MYO15A: variants seen among roughly 807,000 people sequenced by gnomAD.
MYO15A encodes myosin XVA.
In MYO15A, 308 loss-of-function variants were observed where a neutral mutation model predicts 394.6. The ratio of observed to expected loss-of-function variants is 0.78; its 90% CI spans 0.71 to 0.86. The LOEUF is 0.86. Ranked by LOEUF, MYO15A falls within the 40% of genes least tolerant of loss-of-function variation. The pLI, the probability that MYO15A is intolerant of heterozygous loss-of-function variation, is 0.00. For missense variants in MYO15A, 4,606 were observed against 4,799.1 expected, an observed-to-expected ratio of 0.96 and a Z score of 1.19; for synonymous variants, 1,957 against 2,003.8, an observed-to-expected ratio of 0.98 and a Z score of 0.62.
At position 18,121,246 on chromosome 17, in the gene MYO15A, C is replaced by T. The variant is rs1484818939; in HGVS notation, c.2446C>T (p.Arg816Trp). 1.4e-6 allele frequency: 2 copies of T among 1,471,488 alleles called. No homozygotes were observed. The highest frequency in any genetic ancestry group is 9.0e-7 in the Non-Finnish European group (1 of 1,115,590). 91.2% of individuals were successfully genotyped at this position (1,471,488 alleles called of 1,614,324 possible). ...GCCGCCCTTCCTGCCCCCGGCCCGCCGGCCCCGCTCGCTGCAGGAGTCCCC... is the reference window on the plus strand; with the variant it reads ...GCCGCCCTTCCTGCCCCCGGCCCGCTGGCCCCGCTCGCTGCAGGAGTCCCC... Reference protein sequence around the residue: ...FQPPFLPPARRPRSLQESPAP... With the variant: ...FQPPFLPPARWPRSLQESPAP... The change falls in exon 2 of 66, where the codon CGG (arginine) becomes TGG (tryptophan). Residue 816 changes from arginine (R) to tryptophan (W), a missense_variant. Physicochemically the swap from Arg to Trp is moderately radical, Grantham distance 101. Coordinates refer to ENST00000647165, the MANE Select transcript of MYO15A (RefSeq NM_016239.4). The surrounding 1 kb of genome is among the most constrained non-coding windows in gnomAD (Gnocchi z 5.3).
chr17:18,151,313 TG>T (rs2046576943), intron 39 of MYO15A, 23 bp downstream of exon 39: 1 of 1,614,204 alleles, frequency 6.2e-7, no homozygotes, highest in Non-Finnish European at 8.5e-7. Flanking sequence ...TCCCAGCCTC[TG>T]GGGCTTCCCA....
intron 29 of MYO15A, 84 bp downstream of exon 29, chr17:18,144,676 C>G (rs1317004631): frequency 7.5e-7 from 1 of 1,336,374 alleles, no homozygotes. Context: ...CTTCCCAGCC[C>G]TCCCCAAGCC....
rs930912569 is a variant in MYO15A, at chr17:18,121,357, C to A, written c.2557C>A (p.Leu853Ile). 34 of 1,466,540 alleles carry A rather than the reference C, an allele frequency of 2.3e-5. No individual in the cohort carries two copies. The highest frequency in any genetic ancestry group is 3.0e-5 in the Non-Finnish European group (33 of 1,115,918). 90.8% of individuals were successfully genotyped at this position (1,466,540 alleles called of 1,614,324 possible). Reference sequence around the variant, plus strand: ...CAGGCCGCCCTCGCCGCCCCTGGGGCTCTGCCACAGCCCGCGGCGCAGCTC... The same window carrying A: ...CAGGCCGCCCTCGCCGCCCCTGGGGATCTGCCACAGCCCGCGGCGCAGCTC... ...SPRPPSPPLG[L>I]CHSPRRSSLN... The change falls in exon 2 of 66, where the codon CTC becomes ATC. Residue 853 changes from leucine to isoleucine, a missense_variant. Transcript: ENST00000647165. This position sits in a 1 kb window ranked among gnomAD's most constrained non-coding sequence, Gnocchi z 5.3.
chr17:18,172,043 C>T, intron 63 of MYO15A, 114 bp from the exon 64 acceptor site: 1 of 1,563,014 alleles, frequency 6.4e-7, no homozygotes, highest in African/African-American at 1.4e-5. Flanking sequence ...AGACCCAGAC[C>T]AAGGGCTTCT....
Position 18,179,061 on chromosome 17 carries a change from C to T in MYO15A, c.*191C>T. The T allele has an allele frequency of 1.5e-6, 1 of 646,364 alleles. No individual in the cohort carries two copies. The highest frequency in any genetic ancestry group is 2.7e-5 in the East Asian group (1 of 36,576). The allele number at this position is 646,364 out of a possible 1,614,324, so 40.0% of individuals were successfully genotyped here. A position where few individuals can be genotyped will look rare whatever the true frequency, so the allele number is the denominator to read the frequency against. On this transcript the variant is annotated 3_prime_UTR_variant, in exon 66 of 66. Coordinates refer to ENST00000647165, the MANE Select transcript of MYO15A (RefSeq NM_016239.4). ...CCCATCCTGAACTGGGATGGAATGG[C>T]AGCATGCAAACTTGGATCAGATAGC...
At chr17:18,131,663 T>C in intron 10 of MYO15A, 132 bp downstream of exon 10, 3 of 1,154,550 alleles carry the variant, frequency 2.6e-6, no homozygotes, top group Non-Finnish European at 3.8e-6. Context: ...CATGTGTACA[T>C]GTGAGCCCAG....
rs771145836 is a variant in MYO15A, at chr17:18,120,649, A to C, written c.1849A>C (p.Met617Leu). The C allele has an allele frequency of 4.0e-5, 64 of 1,593,470 alleles. No individual in the cohort carries two copies. The highest frequency in any genetic ancestry group is 6.8e-5 in the Admixed American group (4 of 58,762). ...ACGCTTCGGCTACAAGCTGGCTGGC[A>C]TGGACCCCGAGAAGCCCGGCACGCC... ...YKRFGYKLAG[M>L]DPEKPGTPIV... The change falls in exon 2 of 66, where the codon ATG (methionine) becomes CTG (leucine). Residue 617 changes from methionine (M) to leucine (L), a missense_variant. Transcript: ENST00000647165.
At chr17:18,167,076 G>A (rs188283252) in intron 61 of MYO15A, among the ~76,000 whole-genome samples, 24 of 152,326 alleles carry the variant, frequency 1.6e-4, no homozygotes, top group African/African-American at 4.8e-4. Context: ...ATATGGTCAC[G>A]TAGATTTTGT....
chr17:18,138,771 A>G, intron 17 of MYO15A, 40 bp from the exon 18 acceptor site: 1 of 1,610,610 alleles, frequency 6.2e-7, no homozygotes, highest in Non-Finnish European at 8.5e-7. Flanking sequence ...CAGGGTGTCC[A>G]GGCCTCCTGC....
In MYO15A at chr17:18,120,839, T is replaced by C; in HGVS notation, c.2039T>C (p.Leu680Pro). ...TCCGGGCCCCCGCCCGCGCCGCCGC[T>C]CTCCCCGGCGCTCTCGGGCCTGCCC... is the stretch of plus-strand genomic sequence containing the variant. ...PSSGPPPAPP[L>P]SPALSGLPRP... Residue 680 changes from leucine to proline, a missense_variant, in exon 2 of 66, where the codon CTC (leucine) becomes CCC (proline). Transcript: ENST00000647165. 8.5e-7 allele frequency: 1 copy of C among 1,173,136 alleles called. No homozygotes were observed. Among genetic ancestry groups the C allele is most frequent in the South Asian group, 2.7e-5 (1 of 36,592 alleles). 72.7% of individuals were successfully genotyped at this position (1,173,136 alleles called of 1,614,324 possible). A position where few individuals can be genotyped will look rare whatever the true frequency, so the allele number is the denominator to read the frequency against.
intron 18 of MYO15A, 107 bp downstream of exon 18, chr17:18,139,043 C>A: frequency 2.7e-6 from 4 of 1,486,170 alleles, no homozygotes; most frequent in Non-Finnish European, 3.7e-6. Context: ...AGGTCCAATT[C>A]TGGCTCTGCT....
Position 18,120,732 on chromosome 17 carries a change from G to A in MYO15A, c.1932G>A (p.Pro644=), listed in dbSNP as rs1172814920. The change falls in exon 2 of 66, where the codon CCG becomes CCA. Residue 644 remains proline (P), a synonymous_variant. Transcript: ENST00000647165. ...RARSSNDARR[P]PAPQPAPRTL... Reference sequence around the variant, plus strand: ...GCAGCAGCAACGACGCGCGCCGCCCGCCCGCGCCACAGCCCGCGCCCAGGA... The same window carrying A: ...GCAGCAGCAACGACGCGCGCCGCCCACCCGCGCCACAGCCCGCGCCCAGGA... 5 of 1,474,576 alleles carry A rather than the reference G, an allele frequency of 3.4e-6. No individual in the cohort carries two copies. Among genetic ancestry groups the A allele is most frequent in the African/African-American group, 3.0e-5 (2 of 67,220 alleles). 91.3% of individuals were successfully genotyped at this position (1,474,576 alleles called of 1,614,324 possible).
chr17:18,158,391 T>A, intron 51 of MYO15A, 132 bp from the exon 52 acceptor site: 1 of 615,252 alleles, frequency 1.6e-6, no homozygotes, highest in Non-Finnish European at 2.7e-6. Context: ...TGCGGGTGGG[T>A]CCACAGGGAT....
In MYO15A at chr17:18,142,805, G is replaced by A; in HGVS notation, c.5875G>A (p.Val1959Ile). The A allele has an allele frequency of 6.2e-7, 1 of 1,613,602 alleles. No homozygotes were observed. Among genetic ancestry groups the A allele is most frequent in the Non-Finnish European group, 8.5e-7 (1 of 1,179,924 alleles). The change falls in exon 25 of 66, where the codon GTA (valine) becomes ATA (isoleucine). Residue 1959 changes from valine (V) to isoleucine (I), a missense_variant. Physicochemically the swap from Val to Ile is conservative, Grantham distance 29. Transcript: ENST00000647165. The stretch of plus-strand genomic sequence containing the variant: ...GAGTCTGGTGAAGTTCCGGTCCCTG[G>A]TACACGCATACGTGAGCCGCCGACG... ...RRSLVKFRSL[V>I]HAYVSRRRYL...
Position 18,151,180 on chromosome 17 carries a change from G to T in MYO15A, c.7544G>T (p.Arg2515Leu). 2 of 1,614,026 alleles carry T rather than the reference G, an allele frequency of 1.2e-6. No individual in the cohort carries two copies. The highest frequency in any genetic ancestry group is 1.7e-6 in the Non-Finnish European group (2 of 1,180,024). Reference sequence around the variant, plus strand: ...CCCCCTGCCAAACCCGTGCTCCTGCGTGCCACTCCAAAGCCCTTGGCCCCA... The same window carrying T: ...CCCCCTGCCAAACCCGTGCTCCTGCTTGCCACTCCAAAGCCCTTGGCCCCA... ...TGPPAKPVLL[R>L]ATPKPLAPAP... is the part of the protein sequence containing the mutation. The change falls in exon 39 of 66, where the codon CGT becomes CTT. Residue 2515 changes from arginine (R) to leucine (L), a missense_variant. Coordinates refer to ENST00000647165, the MANE Select transcript of MYO15A (RefSeq NM_016239.4).
chr17:18,111,632 A>G (rs867877886), intron 1 of MYO15A, among the ~76,000 whole-genome samples: 4 of 152,228 alleles, frequency 2.6e-5, no homozygotes, highest in South Asian at 4.1e-4. Context: ...GCTGACTACT[A>G]TCCTGAGGTC....
At chr17:18,164,858 A>AAT (rs60812127) in intron 60 of MYO15A, 2 of 124,782 alleles carry the variant, frequency 1.6e-5, no homozygotes, top group African/African-American at 6.0e-5. Context: ...AAAAAAAAAA[A>AAT]GCCAGGTGTG....
chr17:18,136,998 C>T (rs551625515), intron 15 of MYO15A, among the ~76,000 whole-genome samples: 2 of 152,340 alleles, frequency 1.3e-5, no homozygotes, highest in South Asian at 4.1e-4. Flanking sequence ...GAGGATGAGA[C>T]ACTCCTGAGA....
At chr17:18,146,651 G>T (rs745533720) in intron 30 of MYO15A, among the ~76,000 whole-genome samples, 1 of 152,202 alleles carries the variant, frequency 6.6e-6, no homozygotes, top group Non-Finnish European at 1.5e-5. Flanking sequence ...AAGACCAGAC[G>T]CAGTGGCTCA....
Sources: gnomAD v4.1 joint callset for allele counts (sites outside exome capture counted in the v4.1 genomes callset) on GRCh38, gnomAD v4.1.1 for gene constraint, Gnocchi (gnomAD v3.1) non-coding constraint, MANE v1.5 for transcripts, NCBI Gene and HGNC (gene_info 2026-07-23, HGNC 2026-07-21) for gene names.